Variants in HS6ST3 observed in about 807,000 individuals in gnomAD.
HS6ST3 encodes the protein heparan sulfate 6-O-sulfotransferase 3, also known as heparan-sulfate 6-O-sulfotransferase 3.
HS6ST3 carries 12 observed loss-of-function variants against 36.7 expected under a neutral mutation model. The observed-to-expected ratio is 0.33, with a 90% CI of 0.21 to 0.53. The LOEUF (loss-of-function observed/expected upper bound fraction) is 0.53, where lower values mean the gene tolerates loss of function less well. HS6ST3 is among the 20% of genes least tolerant of loss of function. The pLI is 0.95. For missense variants in HS6ST3, 584 were observed against 640.9 expected, an observed-to-expected ratio of 0.91 and a Z score of 0.96; for synonymous variants, 240 against 257.5, an observed-to-expected ratio of 0.93 and a Z score of 0.65.
chr13:96,464,163 C>CAAAAAGAAAAAAAAAAAAAAA (rs1322172089), intron 1 of HS6ST3, among the ~76,000 whole-genome samples: 1 of 64,796 alleles, frequency 1.5e-5, no homozygotes, highest in Non-Finnish European at 3.4e-5. Context: ...AAAAAAAAAT[C>CAAAAAGAAAAAAAAAAAAAAA]AAAGATCTGA....
chr13:96,510,106 A>G (rs376359862), intron 1 of HS6ST3, among the ~76,000 whole-genome samples: 4 of 27,166 alleles, frequency 1.5e-4, no homozygotes, highest in Non-Finnish European at 7.2e-4. Flanking sequence ...ATTTTATTTT[A>G]TTTTATTTTA....
In HS6ST3 at chr13:96,164,335, C is replaced by T. The variant is rs565708933; in HGVS notation, c.707+72766C>T. ...CGACTTGGCCAAGGAAGGAGGATCA[C>T]TTGAGGCCAGGAGTTTGAGACCAGC... On this transcript the variant is annotated intron_variant, in intron 1 of 1. Coordinates refer to ENST00000376705, the MANE Select transcript of HS6ST3 (RefSeq NM_153456.4). Among the ~76,000 whole-genome samples, 13 of 152,256 alleles carry T rather than the reference C, an allele frequency of 8.5e-5. No individual in the cohort carries two copies. In the South Asian group the frequency reaches 2.7e-3, roughly 32 times the overall value.
intron 1 of HS6ST3, among the ~76,000 whole-genome samples, chr13:96,688,106 T>C (rs983878833): frequency 2.0e-4 from 30 of 150,886 alleles, no homozygotes; most frequent in African/African-American, 7.1e-4. Context: ...CATTAGGAGA[T>C]ATACCTAATG....
At chr13:96,440,952 A>G (rs535892259) in intron 1 of HS6ST3, among the ~76,000 whole-genome samples, 99 of 152,158 alleles carry the variant, frequency 6.5e-4, no homozygotes, top group Non-Finnish European at 1.1e-3. Flanking sequence ...TTATGTTGAA[A>G]CCCTAACCCC....
intron 1 of HS6ST3, among the ~76,000 whole-genome samples, chr13:96,811,262 C>T (rs1379555134): frequency 2.0e-5 from 3 of 152,140 alleles, no homozygotes; most frequent in South Asian, 2.1e-4. Context: ...CGTGCCACCT[C>T]GCCTTGGCAG....
At chr13:96,759,984 A>C (rs1304091580) in intron 1 of HS6ST3, among the ~76,000 whole-genome samples, 2 of 151,952 alleles carry the variant, frequency 1.3e-5, no homozygotes, top group Non-Finnish European at 2.9e-5. Context: ...TTCAGTACTT[A>C]GGACATGTTT....
intron 1 of HS6ST3, among the ~76,000 whole-genome samples, chr13:96,254,564 G>A (rs1408261998): frequency 3.7e-5 from 5 of 135,794 alleles, no homozygotes; most frequent in Admixed American, 1.6e-4. Flanking sequence ...CTGCTTATCA[G>A]TGCCTGGTGA....
chr13:96,315,706 G>A (rs1219737858), intron 1 of HS6ST3, among the ~76,000 whole-genome samples: 1 of 151,858 alleles, frequency 6.6e-6, no homozygotes, highest in Non-Finnish European at 1.5e-5. Flanking sequence ...AGGACTGTTT[G>A]TGTTAATCAT....
At chr13:96,660,080 T>C (rs1388256936) in intron 1 of HS6ST3, among the ~76,000 whole-genome samples, 1 of 152,112 alleles carries the variant, frequency 6.6e-6, no homozygotes, top group Non-Finnish European at 1.5e-5. Context: ...TGAATCATAA[T>C]GCACCCTCAT....
At chr13:96,703,140 A>G (rs2138454322) in intron 1 of HS6ST3, among the ~76,000 whole-genome samples, 1 of 152,358 alleles carries the variant, frequency 6.6e-6, no homozygotes. Flanking sequence ...TCAAATCCTA[A>G]TACTAGGCAG....
rs373219267 is a variant in HS6ST3, at chr13:96,091,339, C to A, written c.477C>A (p.Thr159=). Residue 159 remains threonine (T), a synonymous_variant, in exon 1 of 2, where the codon ACC becomes ACA. Transcript: ENST00000376705. The part of the protein sequence containing the change: ...VFLHIQKTGG[T]TFGRHLVKNI... ...TCCACATCCAGAAGACGGGGGGCAC[C>A]ACTTTCGGCCGGCACCTGGTGAAGA... 6 of 1,614,118 alleles carry A rather than the reference C, an allele frequency of 3.7e-6. No homozygotes were observed.
intron 1 of HS6ST3, among the ~76,000 whole-genome samples, chr13:96,778,887 C>A (rs1349775520): frequency 6.6e-6 from 1 of 152,126 alleles, no homozygotes; most frequent in African/African-American, 2.4e-5. Flanking sequence ...TATTGCAGCA[C>A]TGTTCACAAT....
intron 1 of HS6ST3, among the ~76,000 whole-genome samples, chr13:96,201,799 A>G (rs2054343332): frequency 6.6e-6 from 1 of 152,184 alleles, no homozygotes; most frequent in Admixed American, 6.5e-5. Flanking sequence ...TACATTTTTC[A>G]ATATAAAATA....
At chr13:96,515,799 T>G (rs2056069962) in intron 1 of HS6ST3, among the ~76,000 whole-genome samples, 1 of 152,180 alleles carries the variant, frequency 6.6e-6, no homozygotes. Context: ...GTGAGTTAAT[T>G]AAACAAACCT....
intron 1 of HS6ST3, among the ~76,000 whole-genome samples, chr13:96,600,991 A>T (rs1010947161): frequency 6.6e-6 from 1 of 152,082 alleles, no homozygotes; most frequent in Non-Finnish European, 1.5e-5. Context: ...TAAAGATAGG[A>T]TCCCAACCCC....
chr13:96,411,707 A>G (rs138804217), intron 1 of HS6ST3, among the ~76,000 whole-genome samples: 31 of 152,336 alleles, frequency 2.0e-4, no homozygotes, highest in Middle Eastern at 3.4e-3. Context: ...CAGGGCAATT[A>G]GTTAGGTATT....
chr13:96,289,239 A>G (rs2054818139), intron 1 of HS6ST3, among the ~76,000 whole-genome samples: 1 of 152,106 alleles, frequency 6.6e-6, no homozygotes, highest in Non-Finnish European at 1.5e-5. Context: ...TATTTTTTGA[A>G]TTGAATTAAA....
intron 1 of HS6ST3, among the ~76,000 whole-genome samples, chr13:96,497,866 C>G (rs1307309801): frequency 6.6e-6 from 1 of 152,108 alleles, no homozygotes; most frequent in Non-Finnish European, 1.5e-5. Flanking sequence ...GGAAAACTTC[C>G]CCTTTGTCCT....
intron 1 of HS6ST3, among the ~76,000 whole-genome samples, chr13:96,349,402 AT>A (rs1478823576): frequency 5.9e-5 from 9 of 152,128 alleles, no homozygotes; most frequent in African/African-American, 1.9e-4. Context: ...TTGGAATCAT[AT>A]TGTTCTTTGT....
Sources: gnomAD v4.1 joint callset for allele counts (sites outside exome capture counted in the v4.1 genomes callset) on GRCh38, gnomAD v4.1.1 for gene constraint, MANE v1.5 for transcripts, NCBI Gene and HGNC (gene_info 2026-07-23, HGNC 2026-07-21) for gene names.